Variants in FHIT observed in about 807,000 individuals in gnomAD.
The protein encoded by FHIT is bis(5'-adenosyl)-triphosphatase.
Under a neutral mutation model 17.9 loss-of-function variants are expected in FHIT, and 19 were observed. The observed-to-expected ratio is 1.06, with a 90% confidence interval of 0.74 to 1.56. The LOEUF (loss-of-function observed/expected upper bound fraction) is 1.56. FHIT is among the 40% of genes most tolerant of loss of function. The probability of loss-of-function intolerance (pLI) is 0.00; values close to 1 mark genes in which losing one functional copy is unlikely to be tolerated. For missense variants in FHIT, 248 were observed against 189.2 expected, an observed-to-expected ratio of 1.31 and a Z score of -1.82; for synonymous variants, 81 against 69.7, an observed-to-expected ratio of 1.16 and a Z score of -0.81.
In FHIT at chr3:60,701,919, G is replaced by T. The variant is rs910762825; in HGVS notation, c.-18+120000C>A. Among the ~76,000 whole-genome samples, 23 of 152,332 alleles carry T rather than the reference G, an allele frequency of 1.5e-4. No individual in the cohort carries two copies. The Middle Eastern group carries it at 0.017, about 113-fold the overall frequency. ...CTACACCCAGGAATGAACAAGGAAA[G>T]CTTGGAGGTTAGAAGCAAGATGGAA... On this transcript the variant is annotated intron_variant, in intron 4 of 9. Transcript: ENST00000492590.
At position 60,537,043 on chromosome 3, in the gene FHIT, T is replaced by G. The variant is rs180936206; in HGVS notation, c.-17-64A>C. The G allele has an allele frequency of 2.3e-4, 312 of 1,359,662 alleles. No individual in the cohort carries two copies. The African/African-American group carries it at 4.3e-3, about 19-fold the overall frequency. 84.2% of individuals were successfully genotyped at this position (1,359,662 alleles called of 1,614,324 possible). On this transcript the variant is annotated intron_variant, in intron 4 of 9. Transcript: ENST00000492590. ...AAGAAACTCAGTTCATATACCACCTTAAAGAAAGCAAATTCCATTACTACA... is the reference window on the plus strand; with the variant it reads ...AAGAAACTCAGTTCATATACCACCTGAAAGAAAGCAAATTCCATTACTACA...
chr3:60,481,649 C>T (rs1185079649), intron 5 of FHIT, among the ~76,000 whole-genome samples: 1 of 152,138 alleles, frequency 6.6e-6, no homozygotes, highest in Non-Finnish European at 1.5e-5. Flanking sequence ...ACCACCAGGC[C>T]TGCCTTGCAT....
chr3:60,249,041 T>C (rs543687442), intron 5 of FHIT, among the ~76,000 whole-genome samples: 16 of 152,274 alleles, frequency 1.1e-4, no homozygotes, highest in Admixed American at 9.8e-4. Flanking sequence ...GCATCTAGGT[T>C]TTGCCATTTC....
intron 4 of FHIT, among the ~76,000 whole-genome samples, chr3:60,773,827 A>G (rs1464595103): frequency 6.6e-6 from 1 of 152,242 alleles, no homozygotes; most frequent in African/African-American, 2.4e-5. Context: ...GCCAAACAAT[A>G]CCAGTCTGAT....
intron 3 of FHIT, among the ~76,000 whole-genome samples, chr3:60,863,459 G>T (rs1229019709): frequency 6.6e-6 from 1 of 152,132 alleles, no homozygotes; most frequent in Non-Finnish European, 1.5e-5. Flanking sequence ...AGTAATAGAA[G>T]ACTAATAAAC....
At chr3:60,437,311 A>C (rs1320729336) in intron 5 of FHIT, among the ~76,000 whole-genome samples, 2 of 152,138 alleles carry the variant, frequency 1.3e-5, no homozygotes, top group Non-Finnish European at 2.9e-5. Flanking sequence ...TTACAATAAA[A>C]GGGAGTGATT....
intron 5 of FHIT, among the ~76,000 whole-genome samples, chr3:60,296,332 T>C (rs147084666): frequency 6.6e-6 from 1 of 152,190 alleles, no homozygotes; most frequent in East Asian, 1.9e-4. Context: ...TCCCCGCATC[T>C]TCACCAGCAT....
intron 1 of FHIT, among the ~76,000 whole-genome samples, chr3:61,213,984 A>G (rs2039581858): frequency 6.6e-6 from 1 of 152,194 alleles, no homozygotes; most frequent in African/African-American, 2.4e-5. Context: ...ACATACCAGA[A>G]TCTCTGGGAC....
intron 4 of FHIT, among the ~76,000 whole-genome samples, chr3:60,647,127 A>G (rs1268553005): frequency 2.0e-5 from 3 of 152,192 alleles, no homozygotes; most frequent in Admixed American, 2.0e-4. Flanking sequence ...ACCTTTAGCA[A>G]TGAACACTAG....
intron 5 of FHIT, among the ~76,000 whole-genome samples, chr3:60,445,631 G>C (rs562808456): frequency 6.3e-4 from 96 of 152,124 alleles, no homozygotes; most frequent in African/African-American, 2.2e-3. Context: ...ACATTCCCAG[G>C]AAGCCACTCA....
At chr3:60,232,995 G>C (rs1049172106) in intron 5 of FHIT, among the ~76,000 whole-genome samples, 2 of 152,130 alleles carry the variant, frequency 1.3e-5, no homozygotes, top group African/African-American at 4.8e-5. Flanking sequence ...ACAAATGACA[G>C]CATGCCTCCT....
chr3:59,969,971 C>T (rs1200656221), intron 7 of FHIT, among the ~76,000 whole-genome samples: 1 of 152,052 alleles, frequency 6.6e-6, no homozygotes, highest in Non-Finnish European at 1.5e-5. Context: ...ATGCACATCT[C>T]CCTCCAGAAA....
intron 4 of FHIT, among the ~76,000 whole-genome samples, chr3:60,704,525 T>C (rs963141984): frequency 6.6e-6 from 1 of 152,216 alleles, no homozygotes; most frequent in South Asian, 2.1e-4. Context: ...AAATCATTAG[T>C]GCTGCATCAG....
intron 5 of FHIT, among the ~76,000 whole-genome samples, chr3:60,232,326 A>C (rs1364332290): frequency 2.0e-5 from 3 of 152,180 alleles, no homozygotes; most frequent in Non-Finnish European, 4.4e-5. Context: ...TCTTGAGTGG[A>C]TCTAAATAGA....
chr3:61,075,362 C>T (rs1292175531), intron 2 of FHIT, among the ~76,000 whole-genome samples: 1 of 152,054 alleles, frequency 6.6e-6, no homozygotes, highest in Non-Finnish European at 1.5e-5. Context: ...CATGCACATA[C>T]ACACCTACCC....
At chr3:60,692,957 C>T (rs1553699824) in intron 4 of FHIT, among the ~76,000 whole-genome samples, 1 of 152,186 alleles carries the variant, frequency 6.6e-6, no homozygotes, top group East Asian at 1.9e-4. Context: ...TAAAGGTCTT[C>T]CCTCTGTTTG....
At chr3:61,143,231 T>C (rs1024345964) in intron 2 of FHIT, among the ~76,000 whole-genome samples, 1 of 152,086 alleles carries the variant, frequency 6.6e-6, no homozygotes, top group Non-Finnish European at 1.5e-5. Context: ...AAAAATAAGA[T>C]GGTGACATAA....
intron 8 of FHIT, among the ~76,000 whole-genome samples, chr3:59,919,592 A>T (rs1176893502): frequency 6.6e-6 from 1 of 152,164 alleles, no homozygotes; most frequent in Non-Finnish European, 1.5e-5. Context: ...CCATCTTAAA[A>T]CAGTGCCTAG....
At chr3:60,204,160 G>T (rs1173321933) in intron 5 of FHIT, among the ~76,000 whole-genome samples, 2 of 152,146 alleles carry the variant, frequency 1.3e-5, no homozygotes, top group African/African-American at 4.8e-5. Context: ...ATTACTCATT[G>T]CATGCCTGTA....
Sources: allele counts gnomAD v4.1 joint callset (sites outside exome capture counted in the v4.1 genomes callset), GRCh38; gene constraint gnomAD v4.1.1; transcripts MANE v1.5; gene names NCBI Gene and HGNC (gene_info 2026-07-23, HGNC 2026-07-21).